AMBRA1: variants seen among roughly 807,000 people sequenced by gnomAD.
AMBRA1 encodes activating molecule in BECN1-regulated autophagy protein 1.
Under a neutral mutation model 125.4 loss-of-function variants are expected in AMBRA1, and 47 were observed. That is an observed-to-expected ratio of 0.37 (90% CI 0.30 to 0.48). The LOEUF is 0.48. AMBRA1 is among the 20% of genes least tolerant of loss of function. AMBRA1 has a pLI of 0.99. For synonymous variants in AMBRA1, 626 were observed against 655.5 expected, an observed-to-expected ratio of 0.95 and a Z score of 0.69; for missense variants, 1,331 against 1,693.4, an observed-to-expected ratio of 0.79 and a Z score of 3.76.
At chr11:46,580,561 A>C (rs2044134423) in intron 1 of AMBRA1, among the ~76,000 whole-genome samples, 1 of 152,202 alleles carries the variant, frequency 6.6e-6, no homozygotes, top group Non-Finnish European at 1.5e-5. Context: ...AAAATCTGGA[A>C]TCATACTTGA....
chr11:46,551,770 G>A (rs751846114), intron 1 of AMBRA1, among the ~76,000 whole-genome samples: 1 of 152,136 alleles, frequency 6.6e-6, no homozygotes, highest in African/African-American at 2.4e-5. Context: ...GCTCATGCCT[G>A]TAATCTCAGC....
intron 9 of AMBRA1, among the ~76,000 whole-genome samples, chr11:46,500,140 T>C (rs1950779463): frequency 2.0e-5 from 3 of 152,312 alleles, no homozygotes; most frequent in Middle Eastern, 6.8e-3. Flanking sequence ...GACTATTCCG[T>C]AGACAATAGC....
rs77004997 is a variant in AMBRA1 at position 46,561,056 on chromosome 11, A to C, written c.-120-12556T>G. ...TCCTGGGAGCACCACATTGCCCCCA[A>C]TTCTTCCTGGAAACCCCTGGAGCTA... On this transcript the variant is annotated intron_variant, in intron 1 of 17. Transcript: ENST00000683756. 8.5e-4 allele frequency among the ~76,000 whole-genome samples: 130 copies of C among 152,256 alleles called. 1 individual carries two copies. The highest frequency in any genetic ancestry group is 3.0e-3 in the African/African-American group (126 of 41,560).
intron 14 of AMBRA1, among the ~76,000 whole-genome samples, chr11:46,418,975 G>A (rs1398281361): frequency 6.6e-6 from 1 of 151,886 alleles, no homozygotes; most frequent in Admixed American, 6.6e-5. Context: ...CAGCAATGGG[G>A]AATTGGAGGT....
intron 15 of AMBRA1, among the ~76,000 whole-genome samples, chr11:46,415,617 T>C (rs143552325): frequency 6.6e-6 from 1 of 152,304 alleles, no homozygotes; most frequent in African/African-American, 2.4e-5. Context: ...TACCCTTACA[T>C]TTTGGGCCCT....
intron 11 of AMBRA1, among the ~76,000 whole-genome samples, chr11:46,472,399 T>C (rs764374675): frequency 6.6e-6 from 1 of 152,226 alleles, no homozygotes; most frequent in Non-Finnish European, 1.5e-5. Context: ...CTAGGACATA[T>C]ATTTAATTTT....
At chr11:46,478,009 T>C (rs1023574814) in intron 11 of AMBRA1, among the ~76,000 whole-genome samples, 1 of 152,004 alleles carries the variant, frequency 6.6e-6, no homozygotes, top group Admixed American at 6.6e-5. Context: ...AAGCACAGGT[T>C]AGTTTACTGG....
intron 11 of AMBRA1, among the ~76,000 whole-genome samples, chr11:46,486,584 T>C (rs1486961253): frequency 6.6e-6 from 1 of 152,124 alleles, no homozygotes. Flanking sequence ...GGGGAACATC[T>C]AAGACCAGAG....
At chr11:46,590,794 C>G (rs1436535589) in intron 1 of AMBRA1, among the ~76,000 whole-genome samples, 1 of 151,834 alleles carries the variant, frequency 6.6e-6, no homozygotes, top group Non-Finnish European at 1.5e-5. Flanking sequence ...GCCTGTAATC[C>G]CAGCTACGCA....
At chr11:46,476,237 T>C (rs1207100186) in intron 11 of AMBRA1, among the ~76,000 whole-genome samples, 1 of 152,206 alleles carries the variant, frequency 6.6e-6, no homozygotes, top group Non-Finnish European at 1.5e-5. Context: ...GGCCAATTTC[T>C]CTGTTAGTTC....
At chr11:46,495,572 G>C (rs1590951732) in intron 9 of AMBRA1, 2 of 152,314 alleles carry the variant, frequency 1.3e-5, no homozygotes, top group African/African-American at 2.4e-5. Context: ...GATGAAAGGA[G>C]GGGCAAGGAG....
intron 1 of AMBRA1, among the ~76,000 whole-genome samples, chr11:46,573,663 CT>C (rs142367481): frequency 0.054 from 7,454 of 138,580 alleles, 193 homozygotes; most frequent in Non-Finnish European, 0.071. Flanking sequence ...AATCCTTTTT[CT>C]TTTTTTTTTT....
intron 1 of AMBRA1, among the ~76,000 whole-genome samples, chr11:46,585,807 A>AT (rs147076863): frequency 1.4e-4 from 19 of 135,450 alleles, no homozygotes; most frequent in South Asian, 9.8e-4. Context: ...AATAACAATA[A>AT]TTTTTTTTTT....
chr11:46,511,835 A>C (rs1340226625), intron 8 of AMBRA1, among the ~76,000 whole-genome samples: 2 of 152,018 alleles, frequency 1.3e-5, no homozygotes, highest in African/African-American at 4.8e-5. Context: ...TTTGTTTTTT[A>C]TCTCTTTAGA....
rs1411226872 is a variant in AMBRA1, at chr11:46,593,973, C to T, written c.-266G>A. On this transcript the variant is annotated 5_prime_UTR_variant, in exon 1 of 18. Coordinates refer to ENST00000683756, the MANE Select transcript of AMBRA1 (RefSeq NM_001387011.1). Reference sequence around the variant, plus strand: ...CTTGAGCGCGGGGCCTCGCGGACAACTCAGCCCTCGACCCGGCGCCGCCGC... The same window carrying T: ...CTTGAGCGCGGGGCCTCGCGGACAATTCAGCCCTCGACCCGGCGCCGCCGC... 3 of 398,566 alleles carry T rather than the reference C, an allele frequency of 7.5e-6. No individual in the cohort carries two copies. The highest frequency in any genetic ancestry group is 1.3e-5 in the Non-Finnish European group (3 of 226,130). The allele number at this position is 398,566 out of a possible 1,614,324, so 24.7% of individuals were successfully genotyped here.
chr11:46,474,472 T>A (rs1264338146), intron 11 of AMBRA1, among the ~76,000 whole-genome samples: 1 of 152,068 alleles, frequency 6.6e-6, no homozygotes, highest in African/African-American at 2.4e-5. Context: ...CACTGCAACC[T>A]CCACCTCCCA....
In AMBRA1 at chr11:46,542,097, C is replaced by A; in HGVS notation, c.1920G>T (p.Pro640=). Residue 640 remains proline, a synonymous_variant, in exon 7 of 18, where the codon CCG becomes CCT. Transcript: ENST00000683756. This position sits in a 1 kb window ranked among gnomAD's most constrained non-coding sequence, Gnocchi z 5.9. ...CCACCCCCACAGTCCTCTCCTCCTG[C>A]GGACTAGCAGAGCTGCTCAACTCCA... The part of the protein sequence containing the change: ...SRLELSSSAS[P]QEERTVGVAF... 1 of 1,613,876 alleles carries A rather than the reference C, an allele frequency of 6.2e-7. No homozygotes were observed. Among genetic ancestry groups the A allele is most frequent in the Non-Finnish European group, 8.5e-7 (1 of 1,179,918 alleles).
At chr11:46,437,519 GAGTGATTTGGT>G (rs1177733556) in intron 12 of AMBRA1, among the ~76,000 whole-genome samples, 8 of 152,230 alleles carry the variant, frequency 5.3e-5, no homozygotes, top group Non-Finnish European at 1.0e-4. Flanking sequence ...TGGTGGCATA[GAGTGATTTGGT>G]AGCTCCATTG....
At chr11:46,450,794 G>C (rs1948551078) in intron 11 of AMBRA1, among the ~76,000 whole-genome samples, 1 of 152,088 alleles carries the variant, frequency 6.6e-6, no homozygotes, top group South Asian at 2.1e-4. Flanking sequence ...CTACAATGTT[G>C]GATACATGGC....
Sources: gnomAD v4.1 joint callset for allele counts (sites outside exome capture counted in the v4.1 genomes callset) on GRCh38, gnomAD v4.1.1 for gene constraint, Gnocchi (gnomAD v3.1) non-coding constraint, MANE v1.5 for transcripts, NCBI Gene and HGNC (gene_info 2026-07-23, HGNC 2026-07-21) for gene names.